BCAR3: variants seen among roughly 807,000 people sequenced by gnomAD.
The protein encoded by BCAR3 is breast cancer anti-estrogen resistance protein 3.
A neutral mutation model predicts 80.1 loss-of-function variants in BCAR3; 37 were observed. That is an observed-to-expected ratio of 0.46 (90% confidence interval 0.36 to 0.61). The LOEUF (loss-of-function observed/expected upper bound fraction) is 0.61, where lower values mean the gene tolerates loss of function less well. BCAR3 is among the 20% of genes least tolerant of loss of function. BCAR3 has a pLI of 0.00. For synonymous variants in BCAR3, 389 were observed against 418.9 expected (o/e 0.93, Z 0.87); for missense variants, 978 against 1,068.2 (o/e 0.92, Z 1.18).
rs191877649 is a variant in BCAR3 at position 93,588,761 on chromosome 1, C to A, written c.929+216G>T. Among the ~76,000 whole-genome samples, 334 of 152,144 alleles carry A rather than the reference C, an allele frequency of 2.2e-3. 1 individual carries two copies. The highest frequency in any genetic ancestry group is 7.8e-3 in the African/African-American group (322 of 41,508). ...CTTCACAAGGTATCCCCATCAGCAC[C>A]CCCCGAAATTCTTCCTCAGCTCCTG... is the stretch of plus-strand genomic sequence containing the variant. On this transcript the variant is annotated intron_variant, in intron 5 of 11. Coordinates refer to ENST00000260502, the MANE Select transcript of BCAR3 (RefSeq NM_003567.4).
intron 2 of BCAR3, among the ~76,000 whole-genome samples, chr1:93,732,481 G>A (rs541624238): frequency 2.0e-5 from 3 of 152,246 alleles, no homozygotes; most frequent in South Asian, 4.2e-4. Flanking sequence ...CGGGAGTGGT[G>A]GTGGGTGCCT....
At chr1:93,642,492 G>T in intron 2 of BCAR3, 149 bp from the exon 3 acceptor site, 2 of 724,456 alleles carry the variant, frequency 2.8e-6, no homozygotes, top group Non-Finnish European at 2.3e-6. Flanking sequence ...GGTGTGTGTG[G>T]TGGGGTGGGA....
chr1:93,668,244 A>C (rs181794038), intron 2 of BCAR3, among the ~76,000 whole-genome samples: 1 of 152,176 alleles, frequency 6.6e-6, no homozygotes, highest in African/African-American at 2.4e-5. Flanking sequence ...CAATCTGTTA[A>C]CAATTTTTTT....
rs1673951014 is a variant in BCAR3 at position 93,586,522 on chromosome 1, T to C, written c.930-2401A>G. Among the ~76,000 whole-genome samples, 1 of 152,186 alleles carries C rather than the reference T, an allele frequency of 6.6e-6. No individual in the cohort carries two copies. Among genetic ancestry groups the C allele is most frequent in the Non-Finnish European group, 1.5e-5 (1 of 68,040 alleles). On this transcript the variant is annotated intron_variant, in intron 5 of 11. Coordinates refer to ENST00000260502, the MANE Select transcript of BCAR3 (RefSeq NM_003567.4). This position sits in a 1 kb window ranked among gnomAD's most constrained non-coding sequence, Gnocchi z 4.2. ...GCTGCAACAAACATTGGTGCAGGTA[T>C]CTCTTTGATATACTGATTTCCACTC...
intron 2 of BCAR3, among the ~76,000 whole-genome samples, chr1:93,756,400 A>T (rs556192835): frequency 6.6e-6 from 1 of 152,140 alleles, no homozygotes; most frequent in Admixed American, 6.5e-5. Flanking sequence ...GTCGTCCAGA[A>T]CCCTCCTTTG....
At chr1:93,684,387 C>A (rs143186221), upstream of BCAR3, among the ~76,000 whole-genome samples, 300 of 152,320 alleles carry the variant, frequency 2.0e-3, 2 homozygotes, top group African/African-American at 6.9e-3. Context: ...GCAAGCCATT[C>A]TTCCCCTCAG....
At chr1:93,674,406 C>T (rs1036620025) in intron 2 of BCAR3, among the ~76,000 whole-genome samples, 1 of 152,142 alleles carries the variant, frequency 6.6e-6, no homozygotes, top group African/African-American at 2.4e-5. Context: ...CAGGCACATG[C>T]CACCATGCCC....
intron 2 of BCAR3, among the ~76,000 whole-genome samples, chr1:93,708,039 G>C (rs1649884546): frequency 6.6e-6 from 1 of 152,190 alleles, no homozygotes; most frequent in Admixed American, 6.5e-5. Context: ...ATAGACAGGA[G>C]GGGAGGGGTG....
At chr1:93,778,007 C>T (rs749182877) in intron 2 of BCAR3, among the ~76,000 whole-genome samples, 6 of 152,146 alleles carry the variant, frequency 3.9e-5, no homozygotes, top group Admixed American at 1.3e-4. Context: ...AACATTGTCC[C>T]ATTTGTGGCC....
chr1:93,783,176 G>A (rs12122871), intron 2 of BCAR3, among the ~76,000 whole-genome samples: 20,502 of 152,080 alleles, frequency 0.13, 2,164 homozygotes, highest in African/African-American at 0.28. Flanking sequence ...CATTGAGTGA[G>A]AATTCTACTC....
rs542527390 is a variant in BCAR3, at chr1:93,653,800, TGGTGATGCGAAATGCTCC to T, written c.318-11475_318-11458del. On this transcript the variant is annotated intron_variant, in intron 2 of 11. Coordinates refer to ENST00000260502, the MANE Select transcript of BCAR3 (RefSeq NM_003567.4). ...GTGAAGAAGCCCCACATGGGGTAGG[TGGTGATGCGAAATGCTCC>T]AGGCAACAGGAGAAGCATGTGCAAA... is the stretch of plus-strand genomic sequence containing the variant. Among the ~76,000 whole-genome samples, 51 of 152,142 alleles carry T rather than the reference TGGTGATGCGAAATGCTCC, an allele frequency of 3.4e-4. No individual in the cohort carries two copies. The East Asian group carries it at 9.3e-3, about 28-fold the overall frequency.
At chr1:93,733,769 T>C (rs1018211013) in intron 2 of BCAR3, among the ~76,000 whole-genome samples, 2 of 152,378 alleles carry the variant, frequency 1.3e-5, no homozygotes, top group Middle Eastern at 3.4e-3. Flanking sequence ...TGCATGCATC[T>C]ACCCTTCTCC....
chr1:93,711,626 A>AG (rs371452407), intron 2 of BCAR3, among the ~76,000 whole-genome samples: 2 of 152,196 alleles, frequency 1.3e-5, no homozygotes, highest in African/African-American at 4.8e-5. Flanking sequence ...ATATAGGAAA[A>AG]GGGGAAAGTG....
chr1:93,660,644 T>A (rs1237045829), intron 2 of BCAR3, among the ~76,000 whole-genome samples: 1 of 152,264 alleles, frequency 6.6e-6, no homozygotes, highest in African/African-American at 2.4e-5. Context: ...GTTACTTTCT[T>A]ACTGCAGGCA....
chr1:93,610,844 G>T lies in BCAR3; in HGVS notation c.358-18451C>A, dbSNP rs182236024. 6.1e-3 allele frequency among the ~76,000 whole-genome samples: 929 copies of T among 152,168 alleles called. 5 individuals are homozygous for T. The highest frequency in any genetic ancestry group is 9.1e-3 in the Non-Finnish European group (617 of 68,012). ...TGCCTGTAATCCCAGCTACTCAGGA[G>T]GCTGAGACAGGAGAAGGCGGAGGTT... is the stretch of plus-strand genomic sequence containing the variant. On this transcript the variant is annotated intron_variant, in intron 3 of 11. Coordinates refer to ENST00000260502, the MANE Select transcript of BCAR3 (RefSeq NM_003567.4).
chr1:93,666,877 T>A (rs1647941506), intron 2 of BCAR3, among the ~76,000 whole-genome samples: 1 of 152,098 alleles, frequency 6.6e-6, no homozygotes, highest in Admixed American at 6.5e-5. Flanking sequence ...AGAAACTTTC[T>A]CCCACAGAAG....
At chr1:93,632,794 G>A (rs1003482096) in intron 3 of BCAR3, among the ~76,000 whole-genome samples, 5 of 152,126 alleles carry the variant, frequency 3.3e-5, no homozygotes, top group African/African-American at 1.2e-4. Flanking sequence ...CGAGGCAGTG[G>A]ATCACCTGAG....
intron 3 of BCAR3, among the ~76,000 whole-genome samples, chr1:93,705,908 T>C (rs1045656105): frequency 6.6e-6 from 1 of 152,066 alleles, no homozygotes; most frequent in African/African-American, 2.4e-5. Flanking sequence ...TGAATAAGGA[T>C]CCTAGAGTCA....
intron 3 of BCAR3, among the ~76,000 whole-genome samples, chr1:93,623,770 C>A (rs999314428): frequency 1.8e-4 from 28 of 152,152 alleles, no homozygotes; most frequent in Non-Finnish European, 4.0e-4. Context: ...AAGATTAAAA[C>A]TTGAGATGGA....
Sources: gnomAD v4.1 joint callset for allele counts (sites outside exome capture counted in the v4.1 genomes callset) on GRCh38, gnomAD v4.1.1 for gene constraint, Gnocchi (gnomAD v3.1) non-coding constraint, MANE v1.5 for transcripts, NCBI Gene and HGNC (gene_info 2026-07-23, HGNC 2026-07-21) for gene names.